PCSK1: variants seen among roughly 807,000 people sequenced by gnomAD.
The protein encoded by PCSK1 is proprotein convertase subtilisin/kexin type 1, also known as neuroendocrine convertase 1.
In PCSK1, 56 loss-of-function variants were observed where a neutral mutation model predicts 90.6. The ratio of observed to expected loss-of-function variants is 0.62; its 90% CI spans 0.50 to 0.77. The LOEUF (loss-of-function observed/expected upper bound fraction) is 0.77. Ranked by LOEUF, PCSK1 falls within the 30% of genes least tolerant of loss-of-function variation. The pLI, the probability that PCSK1 is intolerant of heterozygous loss-of-function variation, is 0.00. For missense variants in PCSK1, 801 were observed against 932.6 expected, an observed-to-expected ratio of 0.86 and a Z score of 1.84; for synonymous variants, 348 against 342.4, an observed-to-expected ratio of 1.02 and a Z score of -0.18.
chr5:96,408,197 G>A, intron 9 of PCSK1, 26 bp downstream of exon 9: 1 of 1,516,300 alleles, frequency 6.6e-7, no homozygotes, highest in Non-Finnish European at 9.2e-7. Context: ...CTTTGTAAAG[G>A]TGATTAGAAG....
At chr5:96,430,085 C>G (rs966928035) in intron 1 of PCSK1, among the ~76,000 whole-genome samples, 1 of 152,170 alleles carries the variant, frequency 6.6e-6, no homozygotes, top group Non-Finnish European at 1.5e-5. Flanking sequence ...TGATAAATTG[C>G]TATTAGCCAC....
In PCSK1 at chr5:96,429,375, T is replaced by G. The variant is rs79000322; in HGVS notation, c.181-58A>C. On this transcript the variant is annotated intron_variant, in intron 1 of 13. Transcript: ENST00000311106. Reference sequence around the variant, plus strand: ...CGTTCCCAAACAAGTATATATGGACTAGTTTAAAACTCAGCTAACTTAGAG... The same window carrying G: ...CGTTCCCAAACAAGTATATATGGACGAGTTTAAAACTCAGCTAACTTAGAG... 10,988 of 947,010 alleles carry G rather than the reference T, an allele frequency of 0.012. 557 individuals are homozygous for G. In the East Asian group the frequency reaches 0.14, roughly 12 times the overall value. 58.7% of individuals were successfully genotyped at this position (947,010 alleles called of 1,614,324 possible).
chr5:96,411,926 C>T (rs764713724), intron 7 of PCSK1, among the ~76,000 whole-genome samples: 3 of 152,188 alleles, frequency 2.0e-5, no homozygotes, highest in African/African-American at 7.2e-5. Flanking sequence ...TCTTGTGCCT[C>T]AGCCTCCCGA....
intron 1 of PCSK1, 80 bp downstream of exon 1, chr5:96,432,783 G>C: frequency 3.4e-6 from 4 of 1,170,446 alleles, no homozygotes; most frequent in Non-Finnish European, 5.1e-6. Context: ...GCAACCTGGG[G>C]CTCCCACTTG....
intron 2 of PCSK1, among the ~76,000 whole-genome samples, chr5:96,426,772 T>A (rs1194469580): frequency 6.6e-6 from 1 of 152,174 alleles, no homozygotes; most frequent in African/African-American, 2.4e-5. Flanking sequence ...TGTGGTGGAA[T>A]ATTGTTAATG....
intron 5 of PCSK1, among the ~76,000 whole-genome samples, chr5:96,420,397 G>A (rs979564236): frequency 1.3e-4 from 20 of 152,276 alleles, no homozygotes; most frequent in African/African-American, 2.9e-4. Flanking sequence ...GTAAGCTCTC[G>A]AAACACTCCC....
intron 1 of PCSK1, among the ~76,000 whole-genome samples, chr5:96,431,585 C>A (rs1761499272): frequency 6.6e-6 from 1 of 152,198 alleles, no homozygotes; most frequent in African/African-American, 2.4e-5. Context: ...AGGGCAAGGG[C>A]TGGCCAAAAG....
At chr5:96,407,806 C>T (rs1580752883) in intron 9 of PCSK1, among the ~76,000 whole-genome samples, 1 of 152,192 alleles carries the variant, frequency 6.6e-6, no homozygotes, top group African/African-American at 2.4e-5. Context: ...GTTTTTTAAA[C>T]TTGTTCCTAA....
At chr5:96,432,534 G>C (rs1761539479) in intron 1 of PCSK1, among the ~76,000 whole-genome samples, 1 of 152,196 alleles carries the variant, frequency 6.6e-6, no homozygotes, top group Non-Finnish European at 1.5e-5. Context: ...GAGCTTGAGT[G>C]TATCTCAAGT....
In PCSK1 at chr5:96,411,785, C is replaced by A. The variant is rs188387853; in HGVS notation, c.882+533G>T. Among the ~76,000 whole-genome samples the A allele has an allele frequency of 9.9e-5, 15 of 152,270 alleles. No homozygotes were observed. The East Asian group carries it at 2.5e-3, about 25-fold the overall frequency. On this transcript the variant is annotated intron_variant, in intron 7 of 13. Transcript: ENST00000311106. Reference sequence around the variant, plus strand: ...TAATAAATTTCCATTCAACCTCAGACCCAAATAGGGAAAATTCATTTTATT... The same window carrying A: ...TAATAAATTTCCATTCAACCTCAGAACCAAATAGGGAAAATTCATTTTATT...
chr5:96,421,304 G>A (rs1175722531), intron 5 of PCSK1, among the ~76,000 whole-genome samples: 2 of 152,120 alleles, frequency 1.3e-5, no homozygotes, highest in East Asian at 3.9e-4. Context: ...TCTTTCCTAT[G>A]GCCTTATAGC....
chr5:96,428,161 A>G (rs1445413900), intron 2 of PCSK1, among the ~76,000 whole-genome samples: 1 of 152,156 alleles, frequency 6.6e-6, no homozygotes, highest in Non-Finnish European at 1.5e-5. Context: ...AAATTCTATC[A>G]GTTTCAGAAT....
chr5:96,408,421 A>G, intron 8 of PCSK1, 98 bp from the exon 9 acceptor site: 6 of 814,136 alleles, frequency 7.4e-6, no homozygotes, highest in Non-Finnish European at 1.3e-5. Flanking sequence ...ATCTGCTATG[A>G]CCAGGAAACT....
At chr5:96,424,174 G>A (rs960834395) in intron 3 of PCSK1, among the ~76,000 whole-genome samples, 5 of 152,148 alleles carry the variant, frequency 3.3e-5, no homozygotes, top group South Asian at 2.1e-4. Context: ...CCAGGTACCC[G>A]GTGAAAGGGT....
At chr5:96,423,571 C>A in intron 3 of PCSK1, 112 bp from the exon 4 acceptor site, 1 of 961,356 alleles carries the variant, frequency 1.0e-6, no homozygotes, top group Non-Finnish European at 1.6e-6. Flanking sequence ...GGTCACTCTA[C>A]TCTTTAGAAG....
In PCSK1 at chr5:96,391,955, G is replaced by A. The variant is rs1335218895; in HGVS notation, c.*1046C>T. 6.6e-6 allele frequency: 1 copy of A among 152,124 alleles called. No individual in the cohort carries two copies. The highest frequency in any genetic ancestry group is 2.4e-5 in the African/African-American group (1 of 41,434). 9.4% of individuals were successfully genotyped at this position (152,124 alleles called of 1,614,324 possible). ...GGACACTATCAGTGATAGGATTGGA[G>A]AAGAACTTTTAGTATCAAGGAATAA... On this transcript the variant is annotated 3_prime_UTR_variant, in exon 14 of 14. Coordinates refer to ENST00000311106, the MANE Select transcript of PCSK1 (RefSeq NM_000439.5).
intron 9 of PCSK1, 93 bp from the exon 10 acceptor site, chr5:96,400,279 T>C (rs1044241146): frequency 4.6e-5 from 38 of 831,604 alleles, no homozygotes; most frequent in Non-Finnish European, 7.0e-5. Context: ...ATTCAGGGAT[T>C]ATGAAGTGCC....
Position 96,410,625 on chromosome 5 carries a change from A to G in PCSK1, c.1095+149T>C, listed in dbSNP as rs75355959. 5,432 of 720,856 alleles carry G rather than the reference A, an allele frequency of 7.5e-3. 213 individuals carry two copies. The African/African-American group carries it at 0.083, about 11-fold the overall frequency. The allele number at this position is 720,856 out of a possible 1,614,324, so 44.7% of individuals were successfully genotyped here. A position where few individuals can be genotyped will look rare whatever the true frequency, so the allele number is the denominator to read the frequency against. ...GAGAGAAAACTTTCTGATGGATGCC[A>G]GCCTTTCAAGTGAGTAAGTGTGAGT... On this transcript the variant is annotated intron_variant, in intron 8 of 13. Coordinates refer to ENST00000311106, the MANE Select transcript of PCSK1 (RefSeq NM_000439.5).
In PCSK1 at chr5:96,398,905, A is replaced by G. The variant is rs1274922461; in HGVS notation, c.1562T>C (p.Leu521Pro). ...AGCAGCAGAAGTAAGTGTGACATGA[A>G]GGTCTCCTCTTCGGGAATATTCAAT... is the stretch of plus-strand genomic sequence containing the variant. ...ATIEYSRRGD[L>P]HVTLTSAAGT... is the part of the protein sequence containing the mutation. Residue 521 changes from leucine (L) to proline (P), a missense_variant, in exon 11 of 14, where the codon CTT becomes CCT. Transcript: ENST00000311106. 1 of 1,613,686 alleles carries G rather than the reference A, an allele frequency of 6.2e-7. No homozygotes were observed. Among genetic ancestry groups the G allele is most frequent in the South Asian group, 1.1e-5 (1 of 91,064 alleles).
Sources: allele counts gnomAD v4.1 joint callset (sites outside exome capture counted in the v4.1 genomes callset), GRCh38; gene constraint gnomAD v4.1.1; transcripts MANE v1.5; gene names NCBI Gene and HGNC (gene_info 2026-07-23, HGNC 2026-07-21).